GLB1L2: variants seen among roughly 807,000 people sequenced by gnomAD.
GLB1L2 encodes the protein galactosidase beta 1 like 2, also known as beta-galactosidase-1-like protein 2.
A neutral mutation model predicts 84.1 loss-of-function variants in GLB1L2; 68 were observed. That is an observed-to-expected ratio of 0.81 (90% CI 0.67 to 0.99). GLB1L2 has a LOEUF of 0.99. GLB1L2 is among the 50% of genes least tolerant of loss of function. The pLI is 0.00. For missense variants in GLB1L2, 762 were observed against 805.6 expected (o/e 0.95, Z 0.66); for synonymous variants, 290 against 318.0 (o/e 0.91, Z 0.94).
chr11:134,374,464 C>T, intron 17 of GLB1L2, 138 bp from the exon 18 acceptor site: 1 of 777,982 alleles, frequency 1.3e-6, no homozygotes, highest in Middle Eastern at 3.3e-4. Flanking sequence ...AATAGAGCAT[C>T]CCACCTGCCC....
Position 134,359,044 on chromosome 11 carries a change from C to T in GLB1L2, c.652-16C>T. The stretch of plus-strand genomic sequence containing the variant: ...GGAGCCAGGGCAGACGAGGGCTTGT[C>T]TCATTTCCCCCACAGGCACTGGAGG... On this transcript the variant is annotated splice_polypyrimidine_tract_variant and intron_variant, in intron 6 of 18. Transcript: ENST00000535456. 1 of 1,570,416 alleles carries T rather than the reference C, an allele frequency of 6.4e-7. No homozygotes were observed. Among genetic ancestry groups the T allele is most frequent in the Non-Finnish European group, 8.6e-7 (1 of 1,157,584 alleles).
chr11:134,366,528 T>C (rs550283538), intron 8 of GLB1L2, among the ~76,000 whole-genome samples: 27 of 152,322 alleles, frequency 1.8e-4, no homozygotes, highest in African/African-American at 6.5e-4. Flanking sequence ...TACTAGCGTG[T>C]TAGTCTTTAC....
At chr11:134,368,543 G>A (rs1283781153) in intron 9 of GLB1L2, 101 bp from the exon 10 acceptor site, 1 of 1,293,384 alleles carries the variant, frequency 7.7e-7, no homozygotes, top group Non-Finnish European at 1.1e-6. Context: ...TGGCCTTGAG[G>A]TTTTGAGGTG....
At chr11:134,354,408 G>A (rs984845006) in intron 5 of GLB1L2, among the ~76,000 whole-genome samples, 1 of 151,746 alleles carries the variant, frequency 6.6e-6, no homozygotes, top group African/African-American at 2.4e-5. Context: ...AAAATAAAAA[G>A]CCACATTGTA....
In GLB1L2 at chr11:134,371,486, G is replaced by A. The variant is rs147485542; in HGVS notation, c.1422G>A (p.Leu474=). 6 of 1,582,718 alleles carry A rather than the reference G, an allele frequency of 3.8e-6. No individual in the cohort carries two copies. The stretch of plus-strand genomic sequence containing the variant: ...AGACAACGAAGATTGCTGTCCCCCT[G>A]ATCCAGGTTCGTTGTTTTTGGGAGC... ...DYKTTKIAVP[L]IQGYTVLRIL... is the part of the protein sequence containing the mutation. Residue 474 remains leucine, a synonymous_variant, in exon 14 of 19, where the codon CTG becomes CTA. Transcript: ENST00000535456.
chr11:134,347,218 C>A, intron 4 of GLB1L2, 107 bp from the exon 5 acceptor site: 2 of 828,850 alleles, frequency 2.4e-6, no homozygotes, highest in South Asian at 2.8e-5. Context: ...GGGCACAGGT[C>A]ATTCTGGAGC....
At chr11:134,361,763 G>A (rs2136281331) in intron 7 of GLB1L2, among the ~76,000 whole-genome samples, 1 of 152,232 alleles carries the variant, frequency 6.6e-6, no homozygotes, top group Admixed American at 6.5e-5. Context: ...TGGGGGGTCT[G>A]CTGCTTGGCT....
chr11:134,352,857 G>A (rs1249037011), intron 5 of GLB1L2, among the ~76,000 whole-genome samples: 3 of 151,730 alleles, frequency 2.0e-5, no homozygotes, highest in African/African-American at 4.8e-5. Flanking sequence ...CTTGTTGGCC[G>A]GGCTGGTCTT....
chr11:134,370,365 T>C lies in GLB1L2; in HGVS notation c.1181T>C (p.Leu394Pro). The change falls in exon 12 of 19, where the codon CTG becomes CCG. Residue 394 changes from leucine (L) to proline (P), a missense_variant. By Grantham distance (98) the Leu-to-Pro change is moderately conservative (BLOSUM62 -3). This residue lies in a region of GLB1L2 where 603 missense variants were observed against 611.7 expected (regional missense o/e 0.99). Transcript: ENST00000535456. The surrounding 1 kb of genome is among the most constrained non-coding windows in gnomAD (Gnocchi z 4.7). ...GAGCCCTTAACGCCAGTCTTGTACC[T>C]GTCTCTGTGGGACGCCCTCAAGTAC... ...PYEPLTPVLYLSLWDALKYLG... is the reference protein window; with the variant it reads ...PYEPLTPVLYPSLWDALKYLG... 1.9e-6 allele frequency: 3 copies of C among 1,613,876 alleles called. No individual in the cohort carries two copies.
rs1041520249 is a variant in GLB1L2 at position 134,334,909 on chromosome 11, T to C, written c.86+2762T>C. On this transcript the variant is annotated intron_variant, in intron 1 of 18. Transcript: ENST00000535456. This position sits in a 1 kb window ranked among gnomAD's most constrained non-coding sequence, Gnocchi z 4.1. The stretch of plus-strand genomic sequence containing the variant: ...TGAACACAAGAATGCCTGCTTGATA[T>C]TATCTAAAGGCATGGTTCTCATTCA... Among the ~76,000 whole-genome samples the C allele has an allele frequency of 6.6e-6, 1 of 152,148 alleles. No homozygotes were observed. Among genetic ancestry groups the C allele is most frequent in the Non-Finnish European group, 1.5e-5 (1 of 68,044 alleles).
At position 134,349,798 on chromosome 11, in the gene GLB1L2, T is replaced by G. The variant is rs77186287; in HGVS notation, c.558+2365T>G. ...AGTTGTTTGTTTTTATGTTGTTGAT[T>G]ATAGGAATTCTTTTTACTTTCTGGA... is the stretch of plus-strand genomic sequence containing the variant. On this transcript the variant is annotated intron_variant, in intron 5 of 18. Transcript: ENST00000535456. Among the ~76,000 whole-genome samples, 395 of 152,332 alleles carry G rather than the reference T, an allele frequency of 2.6e-3. 2 individuals carry two copies. The highest frequency in any genetic ancestry group is 9.1e-3 in the African/African-American group (380 of 41,576).
chr11:134,365,137 C>T (rs1373584789), intron 8 of GLB1L2: 2 of 152,578 alleles, frequency 1.3e-5, no homozygotes, highest in African/African-American at 2.4e-5. Flanking sequence ...GGCTGCTTTC[C>T]ATTCCGGCTG....
At chr11:134,369,694 C>A in intron 10 of GLB1L2, 111 bp from the exon 11 acceptor site, 1 of 854,352 alleles carries the variant, frequency 1.2e-6, no homozygotes, top group South Asian at 1.9e-5. Flanking sequence ...TCTTGCCTCC[C>A]CAATGGCTGA....
intron 13 of GLB1L2, 53 bp downstream of exon 13, chr11:134,371,201 T>C (rs1444411090): frequency 1.3e-6 from 2 of 1,596,830 alleles, no homozygotes; most frequent in Admixed American, 1.7e-5. Context: ...AGCTCTGCAA[T>C]AGGCGTCTCA....
At chr11:134,349,947 C>A (rs998305903) in intron 5 of GLB1L2, among the ~76,000 whole-genome samples, 2 of 152,200 alleles carry the variant, frequency 1.3e-5, no homozygotes, top group African/African-American at 2.4e-5. Context: ...GGCCTCTTGA[C>A]TCTGCCGGCG....
chr11:134,343,433 C>G (rs1241535868), intron 2 of GLB1L2, among the ~76,000 whole-genome samples: 1 of 152,160 alleles, frequency 6.6e-6, no homozygotes, highest in East Asian at 1.9e-4. Context: ...GTCGAACTTG[C>G]AAATCATTTA....
chr11:134,356,216 T>C, intron 5 of GLB1L2, 85 bp from the exon 6 acceptor site: 1 of 994,680 alleles, frequency 1.0e-6, no homozygotes, highest in East Asian at 2.4e-5. Flanking sequence ...GATCTTTTGC[T>C]AGTCACTGGT....
intron 5 of GLB1L2, among the ~76,000 whole-genome samples, chr11:134,350,849 A>G (rs995910043): frequency 6.6e-6 from 1 of 152,264 alleles, no homozygotes; most frequent in Non-Finnish European, 1.5e-5. Flanking sequence ...CTGATGGTGG[A>G]TAAAAACAAT....
chr11:134,349,348 A>G (rs868515156), intron 5 of GLB1L2, among the ~76,000 whole-genome samples: 1 of 152,222 alleles, frequency 6.6e-6, no homozygotes, highest in South Asian at 2.1e-4. Context: ...CCATTGACGA[A>G]CGTTTGAGTT....
Sources: gnomAD v4.1 joint callset for allele counts (sites outside exome capture counted in the v4.1 genomes callset) on GRCh38, gnomAD v4.1.1 for gene constraint, gnomAD v4.1.1 regional missense constraint, Gnocchi (gnomAD v3.1) non-coding constraint, MANE v1.5 for transcripts, NCBI Gene and HGNC (gene_info 2026-07-23, HGNC 2026-07-21) for gene names.